Variants in GNG7 observed in about 807,000 individuals in gnomAD.
GNG7 encodes G protein subunit gamma 7.
A neutral mutation model predicts 4.0 loss-of-function variants in GNG7; 1 was observed. The ratio of observed to expected loss-of-function variants is 0.25; its 90% CI spans 0.09 to 1.18. GNG7 has a LOEUF of 1.18. Among genes scored for constraint, GNG7 ranks in the 50% most tolerant of loss-of-function variants. The probability of loss-of-function intolerance (pLI) is 0.50; values close to 1 mark genes in which losing one functional copy is unlikely to be tolerated. For synonymous variants in GNG7, 34 were observed against 36.9 expected (o/e 0.92, Z 0.29); for missense variants, 86 against 91.9 (o/e 0.94, Z 0.26).
chr19:2,665,430 G>A lies in GNG7; in HGVS notation c.-134-19150C>T, dbSNP rs371150509. Among the ~76,000 whole-genome samples the A allele has an allele frequency of 7.2e-5, 11 of 152,098 alleles. No homozygotes were observed. The South Asian group carries it at 8.3e-4, about 12-fold the overall frequency. On this transcript the variant is annotated intron_variant, in intron 1 of 4. Transcript: ENST00000382159. ...CGCCACACCCCACCTCTTGGAACTG[G>A]AATGTCTGGTGAGACGGGCAACAAG... is the stretch of plus-strand genomic sequence containing the variant.
chr19:2,562,593 TG>T (rs1234480764), intron 2 of GNG7, among the ~76,000 whole-genome samples: 1 of 152,198 alleles, frequency 6.6e-6, no homozygotes, highest in African/African-American at 2.4e-5. Context: ...GGGGCCATCC[TG>T]GGCACTGCAG....
chr19:2,568,338 TAGAC>T (rs1980005804), intron 2 of GNG7, among the ~76,000 whole-genome samples: 1 of 140,904 alleles, frequency 7.1e-6, no homozygotes. Flanking sequence ...TACACACATA[TAGAC>T]ATACATACAC....
chr19:2,549,379 C>A (rs1191857135), intron 3 of GNG7, among the ~76,000 whole-genome samples: 1 of 151,552 alleles, frequency 6.6e-6, no homozygotes, highest in Non-Finnish European at 1.5e-5. Context: ...GCAAACTCCA[C>A]CCCCTGGGTT....
intron 1 of GNG7, among the ~76,000 whole-genome samples, chr19:2,657,364 ATATATATATATATATATATAT>A: frequency 5.7e-5 from 1 of 17,438 alleles, no homozygotes; most frequent in African/African-American, 1.9e-4. Flanking sequence ...AAAAAAAAAT[ATATATATATATATATATATAT>A]ATATATATAT....
At chr19:2,698,735 C>T (rs1298246332) in intron 1 of GNG7, among the ~76,000 whole-genome samples, 5 of 151,922 alleles carry the variant, frequency 3.3e-5, no homozygotes, top group Non-Finnish European at 7.4e-5. Flanking sequence ...TGAAAAAATC[C>T]GAATAACACC....
intron 2 of GNG7, among the ~76,000 whole-genome samples, chr19:2,615,305 C>T (rs115923434): frequency 0.077 from 11,730 of 151,924 alleles, 523 homozygotes; most frequent in African/African-American, 0.12. Context: ...GGGAGCCCTC[C>T]AGAATGTCCT....
intron 2 of GNG7, among the ~76,000 whole-genome samples, chr19:2,598,589 A>G (rs990377781): frequency 6.6e-5 from 10 of 151,650 alleles, no homozygotes; most frequent in South Asian, 2.1e-4. Context: ...CCCAGGAGGC[A>G]GAGCTTGCAG....
chr19:2,596,204 C>A (rs560191248), intron 2 of GNG7, among the ~76,000 whole-genome samples: 1 of 151,726 alleles, frequency 6.6e-6, no homozygotes, highest in African/African-American at 2.4e-5. Flanking sequence ...ACTGAAAATA[C>A]AAAAATTAGC....
At chr19:2,583,287 A>G (rs926533810) in intron 2 of GNG7, among the ~76,000 whole-genome samples, 2 of 152,148 alleles carry the variant, frequency 1.3e-5, no homozygotes, top group African/African-American at 2.4e-5. Context: ...TTCTGAAAAA[A>G]TTTTTTAGCA....
intron 2 of GNG7, among the ~76,000 whole-genome samples, chr19:2,605,897 T>A (rs1397406077): frequency 6.6e-6 from 1 of 152,160 alleles, no homozygotes; most frequent in East Asian, 1.9e-4. Flanking sequence ...AGATCCTTCA[T>A]GTGATCACTT....
At chr19:2,665,509 C>T (rs1430032232) in intron 1 of GNG7, among the ~76,000 whole-genome samples, 2 of 152,174 alleles carry the variant, frequency 1.3e-5, no homozygotes, top group African/African-American at 2.4e-5. Context: ...TGAGAACGAA[C>T]GGATTTCTAT....
chr19:2,657,206 C>T (rs997451678), intron 1 of GNG7, among the ~76,000 whole-genome samples: 1 of 149,816 alleles, frequency 6.7e-6, no homozygotes, highest in African/African-American at 2.5e-5. Flanking sequence ...TGGTGGTGCA[C>T]ACCTGTAGTT....
intron 1 of GNG7, among the ~76,000 whole-genome samples, chr19:2,654,238 C>A (rs1251405082): frequency 2.0e-5 from 3 of 152,042 alleles, no homozygotes; most frequent in Admixed American, 6.6e-5. Flanking sequence ...TGACGCATAC[C>A]CTCCCCTCCC....
chr19:2,525,936 AGTG>A (rs1978378175), intron 3 of GNG7, among the ~76,000 whole-genome samples: 1 of 134,374 alleles, frequency 7.4e-6, no homozygotes, highest in African/African-American at 2.9e-5. Context: ...CAGCCTCCCG[AGTG>A]GCTGGGATTA....
intron 2 of GNG7, among the ~76,000 whole-genome samples, chr19:2,569,998 G>T (rs1980096316): frequency 6.6e-6 from 1 of 152,134 alleles, no homozygotes; most frequent in South Asian, 2.1e-4. Context: ...ACACTGAAAT[G>T]CGACCCCCTA....
intron 3 of GNG7, among the ~76,000 whole-genome samples, chr19:2,553,855 ATAT>A (rs201741129): frequency 1.4e-3 from 191 of 138,984 alleles, no homozygotes; most frequent in East Asian, 6.1e-3. Context: ...ATACATGTAC[ATAT>A]TATATGTAAC....
chr19:2,553,694 T>G (rs190843305), intron 3 of GNG7, among the ~76,000 whole-genome samples: 1 of 134,560 alleles, frequency 7.4e-6, no homozygotes, highest in Non-Finnish European at 1.6e-5. Flanking sequence ...ATTACACACA[T>G]GTGCACATTA....
chr19:2,541,739 C>CAAAAA (rs60594527), intron 3 of GNG7, among the ~76,000 whole-genome samples: 1 of 135,552 alleles, frequency 7.4e-6, no homozygotes, highest in South Asian at 2.4e-4. Flanking sequence ...AAGACTCCAT[C>CAAAAA]AAAAAAAAAA....
chr19:2,527,430 G>GC (rs1476523547), intron 3 of GNG7, among the ~76,000 whole-genome samples: 1 of 152,188 alleles, frequency 6.6e-6, no homozygotes, highest in Non-Finnish European at 1.5e-5. Flanking sequence ...CTGGAGCTGT[G>GC]CCCCCGCCCT....
Sources: gnomAD v4.1 joint callset for allele counts (sites outside exome capture counted in the v4.1 genomes callset) on GRCh38, gnomAD v4.1.1 for gene constraint, MANE v1.5 for transcripts, NCBI Gene and HGNC (gene_info 2026-07-23, HGNC 2026-07-21) for gene names.